The following NEGR1 variants were observed in gnomAD, a reference collection of about 807,000 sequenced individuals.
NEGR1 encodes the protein neuronal growth regulator 1.
NEGR1 carries 10 observed loss-of-function variants against 40.9 expected under a neutral mutation model. The ratio of observed to expected loss-of-function variants is 0.24; its 90% confidence interval spans 0.15 to 0.42. The LOEUF (loss-of-function observed/expected upper bound fraction) is 0.42, where lower values mean the gene tolerates loss of function less well. Ranked by LOEUF, NEGR1 falls within the 10% of genes least tolerant of loss-of-function variation. NEGR1 has a pLI of 1.00. For synonymous variants in NEGR1, 185 were observed against 166.8 expected (o/e 1.11, Z -0.84); for missense variants, 352 against 438.9 (o/e 0.80, Z 1.77).
intron 4 of NEGR1, among the ~76,000 whole-genome samples, chr1:71,639,278 A>G (rs1206692373): frequency 6.6e-6 from 1 of 151,842 alleles, no homozygotes; most frequent in Non-Finnish European, 1.5e-5. Flanking sequence ...TTTGTCAACT[A>G]GGTGAGTTTG....
intron 1 of NEGR1, among the ~76,000 whole-genome samples, chr1:72,135,014 G>A (rs1304272760): frequency 6.6e-6 from 1 of 151,000 alleles, no homozygotes; most frequent in Non-Finnish European, 1.5e-5. Context: ...TGGGATTACA[G>A]GCGTGAGCCA....
chr1:72,056,622 A>G (rs1414677979), intron 1 of NEGR1, among the ~76,000 whole-genome samples: 1 of 151,528 alleles, frequency 6.6e-6, no homozygotes, highest in Non-Finnish European at 1.5e-5. Context: ...TACTATTTTA[A>G]GAAACAAATG....
chr1:72,267,240 T>C (rs9424978), intron 1 of NEGR1, among the ~76,000 whole-genome samples: 34,683 of 150,788 alleles, frequency 0.23, 4,836 homozygotes, highest in Non-Finnish European at 0.31. Context: ...ATGCCACTAT[T>C]TGCAAGGACC....
intron 1 of NEGR1, among the ~76,000 whole-genome samples, chr1:72,171,986 A>G (rs1407877776): frequency 6.6e-6 from 1 of 152,122 alleles, no homozygotes; most frequent in African/African-American, 2.4e-5. Context: ...TCAACTGGAG[A>G]CCTTCCTTGT....
chr1:71,881,306 A>G (rs183294655), intron 2 of NEGR1, among the ~76,000 whole-genome samples: 1 of 152,206 alleles, frequency 6.6e-6, no homozygotes, highest in Admixed American at 6.5e-5. Flanking sequence ...GCTTCGTAGC[A>G]AATTCAGCTT....
chr1:71,396,134 C>T lies in NEGR1; in HGVS notation c.*11312G>A, dbSNP rs978369323. On this transcript the variant is annotated 3_prime_UTR_variant, in exon 7 of 7. Coordinates refer to ENST00000357731, the MANE Select transcript of NEGR1 (RefSeq NM_173808.3). ...GGAGAAAATATACATTAATCTCTTTCTTTCCCTTCCTCTTTCTCTTCTTTT... is the reference window on the plus strand; with the variant it reads ...GGAGAAAATATACATTAATCTCTTTTTTTCCCTTCCTCTTTCTCTTCTTTT... 2.0e-5 allele frequency: 3 copies of T among 152,152 alleles called. No individual in the cohort carries two copies. The South Asian group carries it at 6.2e-4, about 32-fold the overall frequency. 9.4% of individuals were successfully genotyped at this position (152,152 alleles called of 1,614,324 possible). A position where few individuals can be genotyped will look rare whatever the true frequency, so the allele number is the denominator to read the frequency against.
chr1:72,274,599 C>T (rs114308590), intron 1 of NEGR1: 7,927 of 785,476 alleles, frequency 0.01, 81 homozygotes, highest in Middle Eastern at 0.024. Flanking sequence ...AAAGCCCATA[C>T]CTTTAACCAC....
At chr1:71,752,575 C>T (rs181427402) in intron 3 of NEGR1, among the ~76,000 whole-genome samples, 1 of 152,074 alleles carries the variant, frequency 6.6e-6, no homozygotes, top group African/African-American at 2.4e-5. Context: ...TTTGCATGAA[C>T]CTATCTTTGG....
rs1055045717 is a variant in NEGR1 at position 71,432,216 on chromosome 1, A to C, written c.941-24646T>G. 2.0e-5 allele frequency among the ~76,000 whole-genome samples: 3 copies of C among 152,216 alleles called. No individual in the cohort carries two copies. In the East Asian group the frequency reaches 5.8e-4, roughly 29 times the overall value. The stretch of plus-strand genomic sequence containing the variant: ...GTAGAGAACAGATTAAGTTAAAGGA[A>C]GATGGGAAGCAAAAGAGACAAGAAT... On this transcript the variant is annotated intron_variant, in intron 6 of 6. Coordinates refer to ENST00000357731, the MANE Select transcript of NEGR1 (RefSeq NM_173808.3).
intron 6 of NEGR1, among the ~76,000 whole-genome samples, chr1:71,445,321 A>T (rs1421205516): frequency 6.6e-6 from 1 of 151,656 alleles, no homozygotes; most frequent in Non-Finnish European, 1.5e-5. Context: ...AAAAAAAAAT[A>T]GCTTACACTG....
At chr1:71,445,472 G>A (rs368563545) in intron 6 of NEGR1, among the ~76,000 whole-genome samples, 69 of 151,898 alleles carry the variant, frequency 4.5e-4, no homozygotes, top group African/African-American at 1.2e-3. Flanking sequence ...GATTTAAGGC[G>A]TTAGAGAAAT....
At chr1:72,105,418 T>C (rs1649097530) in intron 1 of NEGR1, among the ~76,000 whole-genome samples, 1 of 151,980 alleles carries the variant, frequency 6.6e-6, no homozygotes, top group Non-Finnish European at 1.5e-5. Context: ...GAGGGCTCAG[T>C]GTTTGAGTGT....
chr1:71,779,213 T>C (rs777858779), intron 2 of NEGR1, among the ~76,000 whole-genome samples: 20 of 152,210 alleles, frequency 1.3e-4, no homozygotes, highest in Non-Finnish European at 2.2e-4. Flanking sequence ...AGGTGTTGCT[T>C]TGCTGAATAT....
chr1:71,800,536 T>C (rs747851637), intron 2 of NEGR1, among the ~76,000 whole-genome samples: 2 of 152,210 alleles, frequency 1.3e-5, no homozygotes, highest in South Asian at 4.1e-4. Flanking sequence ...TCAAAAATCC[T>C]AGTTTGTCCC....
intron 1 of NEGR1, among the ~76,000 whole-genome samples, chr1:72,102,809 C>G (rs1448109472): frequency 6.6e-6 from 1 of 151,900 alleles, no homozygotes; most frequent in Non-Finnish European, 1.5e-5. Context: ...AGGAATAATA[C>G]AGAAATTCAA....
intron 4 of NEGR1, among the ~76,000 whole-genome samples, chr1:71,613,087 C>A (rs374466607): frequency 1.3e-5 from 2 of 152,066 alleles, no homozygotes; most frequent in East Asian, 3.9e-4. Context: ...TGAGAAAAGA[C>A]CATAGTGAGG....
chr1:72,020,553 A>C (rs574458380), intron 1 of NEGR1, among the ~76,000 whole-genome samples: 86 of 152,272 alleles, frequency 5.6e-4, no homozygotes, highest in African/African-American at 2.0e-3. Context: ...AAGAAAAAAA[A>C]CCTGAAATAC....
intron 1 of NEGR1, among the ~76,000 whole-genome samples, chr1:72,024,702 C>T (rs546262703): frequency 9.1e-4 from 139 of 152,264 alleles, no homozygotes; most frequent in Non-Finnish European, 1.4e-3. Context: ...TCCACAGCCA[C>T]GTAATACTTA....
chr1:71,436,874 A>T (rs539660127), intron 6 of NEGR1, among the ~76,000 whole-genome samples: 2 of 152,330 alleles, frequency 1.3e-5, no homozygotes, highest in East Asian at 3.9e-4. Flanking sequence ...TACATATATA[A>T]AGTATGTGTT....
Sources: allele counts gnomAD v4.1 joint callset (sites outside exome capture counted in the v4.1 genomes callset), GRCh38; gene constraint gnomAD v4.1.1; transcripts MANE v1.5; gene names NCBI Gene and HGNC (gene_info 2026-07-23, HGNC 2026-07-21).